The following PRKAR1B variants were observed in gnomAD, a reference collection of about 807,000 sequenced individuals.
The protein encoded by PRKAR1B is protein kinase cAMP-dependent type I regulatory subunit beta.
Under a neutral mutation model 46.5 loss-of-function variants are expected in PRKAR1B, and 22 were observed. The ratio of observed to expected loss-of-function variants is 0.47; its 90% CI spans 0.34 to 0.68. The LOEUF is 0.68. Among genes scored for constraint, PRKAR1B ranks in the 30% least tolerant of loss-of-function variants. The pLI, the probability that PRKAR1B is intolerant of heterozygous loss-of-function variation, is 0.01. For synonymous variants in PRKAR1B, 259 were observed against 217.7 expected (o/e 1.19, Z -1.67); for missense variants, 445 against 535.6 (o/e 0.83, Z 1.67).
intron 1 of PRKAR1B, among the ~76,000 whole-genome samples, chr7:719,437 C>G (rs747313798): frequency 1.3e-5 from 2 of 152,156 alleles, no homozygotes; most frequent in Non-Finnish European, 2.9e-5. Context: ...CCTCAGCCTC[C>G]CAAGTACCTG....
At chr7:609,051 G>A (rs1782316197) in intron 4 of PRKAR1B, among the ~76,000 whole-genome samples, 2 of 145,330 alleles carry the variant, frequency 1.4e-5, no homozygotes, top group Non-Finnish European at 3.1e-5. Context: ...ACCTGGGGAG[G>A]GGTCAGTGGG....
chr7:639,432 C>G (rs997414532), intron 4 of PRKAR1B, among the ~76,000 whole-genome samples: 3 of 152,160 alleles, frequency 2.0e-5, no homozygotes, highest in African/African-American at 7.2e-5. Context: ...GAAAGTAACT[C>G]AAAATGGATG....
At chr7:565,798 G>C (rs922246210) in intron 9 of PRKAR1B, among the ~76,000 whole-genome samples, 1 of 152,142 alleles carries the variant, frequency 6.6e-6, no homozygotes, top group African/African-American at 2.4e-5. Flanking sequence ...ACTTGGCCCA[G>C]CTGGGTGGCT....
At chr7:585,373 G>C (rs1261223891) in intron 7 of PRKAR1B, among the ~76,000 whole-genome samples, 1 of 152,134 alleles carries the variant, frequency 6.6e-6, no homozygotes, top group East Asian at 1.9e-4. Flanking sequence ...ACTGTACAGA[G>C]CAGCCGCACG....
intron 2 of PRKAR1B, among the ~76,000 whole-genome samples, chr7:685,044 G>C (rs1778927201): frequency 6.6e-6 from 1 of 151,488 alleles, no homozygotes; most frequent in African/African-American, 2.4e-5. Flanking sequence ...CCTGAAATTT[G>C]ATCCTCAATG....
chr7:590,371 G>C (rs1780905202), intron 7 of PRKAR1B, among the ~76,000 whole-genome samples: 1 of 152,240 alleles, frequency 6.6e-6, no homozygotes, highest in Non-Finnish European at 1.5e-5. Context: ...GGCACAGCTG[G>C]GTGCAGCCAC....
intron 4 of PRKAR1B, among the ~76,000 whole-genome samples, chr7:628,506 T>A (rs1158278089): frequency 6.6e-6 from 1 of 152,208 alleles, no homozygotes; most frequent in Non-Finnish European, 1.5e-5. Flanking sequence ...TCAAACCGGG[T>A]TGCCGGGCTG....
chr7:612,253 T>A lies in PRKAR1B; in HGVS notation c.441-4801A>T, dbSNP rs112644194. Among the ~76,000 whole-genome samples the A allele has an allele frequency of 5.6e-3, 808 of 143,926 alleles. 3 individuals are homozygous for A. Among genetic ancestry groups the A allele is most frequent in the African/African-American group, 0.02 (762 of 37,348 alleles). The allele number at this position is 143,926 out of a possible 152,430, so 94.4% of individuals were successfully genotyped here. A position where few individuals can be genotyped will look rare whatever the true frequency, so the allele number is the denominator to read the frequency against. On this transcript the variant is annotated intron_variant, in intron 4 of 10. Coordinates refer to ENST00000537384, the MANE Select transcript of PRKAR1B (RefSeq NM_001164760.2). Reference sequence around the variant, plus strand: ...ACAGGTGGGTGGATGAACAGGTGGGTGAGTAGATCAACGGATGGATGGATG... The same window carrying A: ...ACAGGTGGGTGGATGAACAGGTGGGAGAGTAGATCAACGGATGGATGGATG...
chr7:569,009 ATTT>A (rs544203926), intron 9 of PRKAR1B, among the ~76,000 whole-genome samples: 1 of 130,794 alleles, frequency 7.6e-6, no homozygotes, highest in African/African-American at 2.8e-5. Flanking sequence ...TAGAGTTGTT[ATTT>A]TTTTTTTTTT....
chr7:692,691 T>C (rs1583427429), intron 2 of PRKAR1B, among the ~76,000 whole-genome samples: 1 of 152,080 alleles, frequency 6.6e-6, no homozygotes, highest in Non-Finnish European at 1.5e-5. Context: ...CAAACTGCGC[T>C]CATACCAGAG....
At chr7:679,818 G>T (rs1469005938) in intron 3 of PRKAR1B, among the ~76,000 whole-genome samples, 1 of 152,084 alleles carries the variant, frequency 6.6e-6, no homozygotes, top group Non-Finnish European at 1.5e-5. Context: ...GTTGGATGGG[G>T]TCATGAGAGA....
intron 2 of PRKAR1B, 39 bp downstream of exon 2, chr7:711,290 A>T (rs776781720): frequency 1.0e-4 from 168 of 1,609,296 alleles, no homozygotes; most frequent in Non-Finnish European, 1.2e-4. Context: ...GCCCCAGGAC[A>T]CGTGCGAAGG....
chr7:696,203 T>A (rs1779730093), intron 2 of PRKAR1B, among the ~76,000 whole-genome samples: 1 of 151,916 alleles, frequency 6.6e-6, no homozygotes, highest in Non-Finnish European at 1.5e-5. Flanking sequence ...TCTCAAGCGA[T>A]CCTCCTGTCT....
At chr7:583,920 G>A (rs781372527) in intron 8 of PRKAR1B, among the ~76,000 whole-genome samples, 11 of 152,172 alleles carry the variant, frequency 7.2e-5, no homozygotes, top group Non-Finnish European at 1.3e-4. Flanking sequence ...GCGCCATCGC[G>A]TATAACTCAG....
intron 4 of PRKAR1B, among the ~76,000 whole-genome samples, chr7:628,895 G>T (rs994600479): frequency 6.6e-6 from 1 of 151,888 alleles, no homozygotes; most frequent in Non-Finnish European, 1.5e-5. Flanking sequence ...GACCCCTCAG[G>T]GTTCGTCGGG....
chr7:616,846 A>G (rs946500803), intron 4 of PRKAR1B, among the ~76,000 whole-genome samples: 1 of 152,226 alleles, frequency 6.6e-6, no homozygotes, highest in East Asian at 1.9e-4. Context: ...TTTGGGAAAA[A>G]AAGTACAAAT....
chr7:613,330 C>T (rs763292759), intron 4 of PRKAR1B, among the ~76,000 whole-genome samples: 5 of 151,166 alleles, frequency 3.3e-5, no homozygotes, highest in South Asian at 2.1e-4. Flanking sequence ...AAAATGAGGC[C>T]GTTCATCATT....
chr7:650,647 G>A (rs1465896216), intron 4 of PRKAR1B, among the ~76,000 whole-genome samples: 2 of 152,242 alleles, frequency 1.3e-5, no homozygotes, highest in African/African-American at 4.8e-5. Context: ...GGTGGGTGGG[G>A]GCTCTGCCTG....
intron 4 of PRKAR1B, among the ~76,000 whole-genome samples, chr7:630,538 T>C (rs936107920): frequency 5.3e-5 from 8 of 152,110 alleles, no homozygotes; most frequent in African/African-American, 1.9e-4. Context: ...ATGCACTTGA[T>C]TTTGTTATTA....
Sources: allele counts gnomAD v4.1 joint callset (sites outside exome capture counted in the v4.1 genomes callset), GRCh38; gene constraint gnomAD v4.1.1; transcripts MANE v1.5; gene names NCBI Gene and HGNC (gene_info 2026-07-23, HGNC 2026-07-21).